ZMAT4: variants seen among roughly 807,000 people sequenced by gnomAD.
The protein encoded by ZMAT4 is zinc finger matrin-type 4.
A neutral mutation model predicts 28.7 loss-of-function variants in ZMAT4; 17 were observed. The observed-to-expected ratio is 0.59, with a 90% CI of 0.41 to 0.89. ZMAT4 has a LOEUF of 0.89. Among genes scored for constraint, ZMAT4 ranks in the 40% least tolerant of loss-of-function variants. ZMAT4 has a pLI of 0.00. For synonymous variants in ZMAT4, 117 were observed against 109.2 expected (o/e 1.07, Z -0.44); for missense variants, 240 against 283.8 (o/e 0.85, Z 1.11).
intron 5 of ZMAT4, among the ~76,000 whole-genome samples, chr8:40,652,278 G>A (rs887497374): frequency 9.9e-6 from 1 of 101,398 alleles, no homozygotes; most frequent in Admixed American, 1.1e-4. Context: ...TGAAGGACAT[G>A]AACAGACAAT....
At chr8:40,680,537 C>T (rs1013630843) in intron 4 of ZMAT4, among the ~76,000 whole-genome samples, 4 of 152,030 alleles carry the variant, frequency 2.6e-5, no homozygotes, top group Non-Finnish European at 5.9e-5. Context: ...ACCAGGTGGG[C>T]GTCATTAGCT....
At chr8:40,852,222 C>G (rs1817135611) in intron 1 of ZMAT4, among the ~76,000 whole-genome samples, 1 of 152,130 alleles carries the variant, frequency 6.6e-6, no homozygotes, top group African/African-American at 2.4e-5. Context: ...GCCCCACTGC[C>G]CCTCCCAGCC....
At chr8:40,616,992 C>A (rs1453718835) in intron 5 of ZMAT4, among the ~76,000 whole-genome samples, 1 of 151,620 alleles carries the variant, frequency 6.6e-6, no homozygotes, top group Admixed American at 6.6e-5. Context: ...CATTCTCACT[C>A]ATGAAGAAAT....
intron 6 of ZMAT4, among the ~76,000 whole-genome samples, chr8:40,572,783 G>GGAGAGAA (rs2118513583): frequency 6.6e-6 from 1 of 152,224 alleles, no homozygotes; most frequent in Non-Finnish European, 1.5e-5. Context: ...GTTTAACAAT[G>GGAGAGAA]GAGAGAAATT....
intron 2 of ZMAT4, among the ~76,000 whole-genome samples, chr8:40,783,288 C>A (rs994515934): frequency 2.6e-5 from 4 of 152,146 alleles, no homozygotes; most frequent in Admixed American, 6.5e-5. Flanking sequence ...CACTACGTGA[C>A]AGAAGTCAGA....
chr8:40,882,716 C>A (rs185213142), intron 1 of ZMAT4, among the ~76,000 whole-genome samples: 286 of 152,334 alleles, frequency 1.9e-3, no homozygotes, highest in Non-Finnish European at 2.6e-3. Context: ...CTAATCCCCC[C>A]CCATGAGACA....
At chr8:40,582,925 C>T (rs1209600694) in intron 5 of ZMAT4, among the ~76,000 whole-genome samples, 2 of 152,172 alleles carry the variant, frequency 1.3e-5, no homozygotes, top group African/African-American at 4.8e-5. Flanking sequence ...GATAACTATA[C>T]CCACATTACC....
At chr8:40,882,754 AG>A (rs1244738453) in intron 1 of ZMAT4, among the ~76,000 whole-genome samples, 2 of 152,212 alleles carry the variant, frequency 1.3e-5, no homozygotes, top group Non-Finnish European at 2.9e-5. Flanking sequence ...AGCTGGGGAC[AG>A]TGGGACTTTG....
At chr8:40,635,347 C>T (rs747041401) in intron 5 of ZMAT4, among the ~76,000 whole-genome samples, 1 of 152,018 alleles carries the variant, frequency 6.6e-6, no homozygotes, top group African/African-American at 2.4e-5. Flanking sequence ...TGCCTCTCTG[C>T]CTCTCATTCT....
intron 1 of ZMAT4, among the ~76,000 whole-genome samples, chr8:40,850,533 G>C (rs78886905): frequency 2.0e-5 from 3 of 152,280 alleles, no homozygotes; most frequent in Admixed American, 1.3e-4. Context: ...TAAGCTTTGT[G>C]GGGTAGAGAT....
At chr8:40,591,102 C>G (rs573025587) in intron 5 of ZMAT4, among the ~76,000 whole-genome samples, 6 of 152,158 alleles carry the variant, frequency 3.9e-5, no homozygotes, top group Admixed American at 3.9e-4. Flanking sequence ...GTCTTTCAAG[C>G]TCCAGCCTAT....
intron 5 of ZMAT4, among the ~76,000 whole-genome samples, chr8:40,588,149 C>T (rs542279376): frequency 6.6e-6 from 1 of 151,420 alleles, no homozygotes; most frequent in African/African-American, 2.4e-5. Context: ...ATGTAAAAAC[C>T]AAAACTATAA....
At chr8:40,648,372 G>GA (rs1306659144) in intron 5 of ZMAT4, among the ~76,000 whole-genome samples, 2 of 148,378 alleles carry the variant, frequency 1.3e-5, no homozygotes, top group African/African-American at 5.0e-5. Context: ...GAAGTTTAGA[G>GA]AAAAAAGAAT....
intron 2 of ZMAT4, among the ~76,000 whole-genome samples, chr8:40,769,414 G>T (rs977771728): frequency 1.3e-5 from 2 of 152,124 alleles, no homozygotes; most frequent in African/African-American, 2.4e-5. Context: ...AAATAAATTT[G>T]CAGCTTACTA....
chr8:40,627,397 C>G (rs1481344805), intron 5 of ZMAT4, among the ~76,000 whole-genome samples: 2 of 152,240 alleles, frequency 1.3e-5, no homozygotes, highest in African/African-American at 2.4e-5. Context: ...CACACAAACA[C>G]ACACATACAC....
At chr8:40,844,823 C>T (rs1171157986) in intron 1 of ZMAT4, among the ~76,000 whole-genome samples, 2 of 152,084 alleles carry the variant, frequency 1.3e-5, no homozygotes, top group African/African-American at 4.8e-5. Flanking sequence ...GTCTTTCTTA[C>T]ATCTGGCAGA....
At chr8:40,565,758 C>T in intron 6 of ZMAT4, among the ~76,000 whole-genome samples, 1 of 140,706 alleles carries the variant, frequency 7.1e-6, no homozygotes, top group East Asian at 2.1e-4. Flanking sequence ...TCCAGGCTAC[C>T]TTTTTTTTTT....
chr8:40,655,059 TACAC>T (rs3038823), intron 5 of ZMAT4, among the ~76,000 whole-genome samples: 6 of 148,792 alleles, frequency 4.0e-5, no homozygotes, highest in African/African-American at 9.9e-5. Flanking sequence ...AAGGAATACC[TACAC>T]ACACACACAC....
intron 2 of ZMAT4, among the ~76,000 whole-genome samples, chr8:40,791,037 C>T (rs142257964): frequency 0.011 from 1,701 of 152,258 alleles, 27 homozygotes; most frequent in Middle Eastern, 0.048. Flanking sequence ...TGGAGAAAGG[C>T]GGCTCTTTCC....
Sources: gnomAD v4.1 joint callset for allele counts (sites outside exome capture counted in the v4.1 genomes callset) on GRCh38, gnomAD v4.1.1 for gene constraint, MANE v1.5 for transcripts, NCBI Gene and HGNC (gene_info 2026-07-23, HGNC 2026-07-21) for gene names.